The following KCNH8 variants were observed in gnomAD, a reference collection of about 807,000 sequenced individuals.
The protein encoded by KCNH8 is voltage-gated delayed rectifier potassium channel KCNH8.
A neutral mutation model predicts 103.6 loss-of-function variants in KCNH8; 70 were observed. The ratio of observed to expected loss-of-function variants is 0.68; its 90% CI spans 0.56 to 0.82. The LOEUF is 0.82. Among genes scored for constraint, KCNH8 ranks in the 40% least tolerant of loss-of-function variants. KCNH8 has a pLI of 0.00. For synonymous variants in KCNH8, 498 were observed against 489.4 expected (o/e 1.02, Z -0.23); for missense variants, 1,217 against 1,329.9 (o/e 0.92, Z 1.32).
At chr3:19,445,483 A>G (rs1434576834) in intron 8 of KCNH8, among the ~76,000 whole-genome samples, 1 of 151,952 alleles carries the variant, frequency 6.6e-6, no homozygotes, top group East Asian at 1.9e-4. Flanking sequence ...TTCTGTATGT[A>G]TCTTTGATTT....
chr3:19,322,943 A>G (rs998209862), intron 3 of KCNH8, among the ~76,000 whole-genome samples: 4 of 152,064 alleles, frequency 2.6e-5, no homozygotes, highest in Non-Finnish European at 4.4e-5. Context: ...CTTGTCTTCA[A>G]GCTCTGAAGT....
At chr3:19,258,941 CTCTCTCTATATATATA>C (rs1163341647) in intron 2 of KCNH8, among the ~76,000 whole-genome samples, 56 of 64,528 alleles carry the variant, frequency 8.7e-4, no homozygotes, top group African/African-American at 2.2e-3. Flanking sequence ...CTCTCTCTCT[CTCTCTCTATATATATA>C]TATATATATA....
chr3:19,177,930 C>G (rs150515158), intron 1 of KCNH8, among the ~76,000 whole-genome samples: 137 of 152,230 alleles, frequency 9.0e-4, no homozygotes, highest in African/African-American at 3.2e-3. Flanking sequence ...CTTCTAGCTA[C>G]TAAATTTGAA....
At chr3:19,496,017 C>A (rs768611110) in intron 11 of KCNH8, among the ~76,000 whole-genome samples, 38 of 152,002 alleles carry the variant, frequency 2.5e-4, no homozygotes, top group African/African-American at 9.2e-4. Context: ...TGTTCGTATA[C>A]AGGAAGGCTA....
chr3:19,371,141 G>T (rs1363462719), intron 5 of KCNH8, among the ~76,000 whole-genome samples: 1 of 150,526 alleles, frequency 6.6e-6, no homozygotes, highest in Non-Finnish European at 1.5e-5. Flanking sequence ...GGGATGGCTG[G>T]GTCAAATGGT....
At chr3:19,169,207 A>G (rs988619991) in intron 1 of KCNH8, among the ~76,000 whole-genome samples, 2 of 144,704 alleles carry the variant, frequency 1.4e-5, no homozygotes, top group Non-Finnish European at 3.0e-5. Context: ...TAGAAACTCC[A>G]CCCCAAATCT....
At chr3:19,170,657 TATACACACATATATATAC>T (rs2063334178) in intron 1 of KCNH8, among the ~76,000 whole-genome samples, 1 of 141,888 alleles carries the variant, frequency 7.0e-6, no homozygotes, top group African/African-American at 2.7e-5. Context: ...CACACACATA[TATACACACATATATATAC>T]ACACACACAT....
chr3:19,450,077 T>C (rs765255149), intron 8 of KCNH8, 29 bp from the exon 9 acceptor site: 1 of 1,589,332 alleles, frequency 6.3e-7, no homozygotes, highest in South Asian at 1.1e-5. Context: ...ACATTTCTCT[T>C]CCATTATATA....
chr3:19,423,311 T>G (rs2066978271), intron 7 of KCNH8, among the ~76,000 whole-genome samples: 1 of 152,090 alleles, frequency 6.6e-6, no homozygotes, highest in South Asian at 2.1e-4. Flanking sequence ...CAATAGTTTC[T>G]GGGGGAAAGT....
rs534925548 is a variant in KCNH8 at position 19,411,070 on chromosome 3, A to C, written c.1177+15759A>C. 2.6e-5 allele frequency among the ~76,000 whole-genome samples: 4 copies of C among 152,150 alleles called. 1 individual carries two copies. Among genetic ancestry groups the C allele is most frequent in the African/African-American group, 9.6e-5 (4 of 41,544 alleles). ...TGGTAACAATATAATGAAAAAAATC[A>C]AACTACAGGCCAATATCCCTGATGA... On this transcript the variant is annotated intron_variant, in intron 7 of 15. Coordinates refer to ENST00000328405, the MANE Select transcript of KCNH8 (RefSeq NM_144633.3).
At chr3:19,525,209 T>A (rs1409310389) in intron 15 of KCNH8, among the ~76,000 whole-genome samples, 2 of 151,794 alleles carry the variant, frequency 1.3e-5, no homozygotes, top group Middle Eastern at 3.2e-3. Context: ...TTTGTCAATT[T>A]AAAAAATCAA....
At chr3:19,284,891 AGAAAG>A (rs2064809698) in intron 3 of KCNH8, among the ~76,000 whole-genome samples, 1 of 149,150 alleles carries the variant, frequency 6.7e-6, no homozygotes, top group South Asian at 2.1e-4. Flanking sequence ...AGAAAAGGAA[AGAAAG>A]AAAAGAAAAG....
In KCNH8 at chr3:19,413,434, A is replaced by G. The variant is rs546711502; in HGVS notation, c.1177+18123A>G. 3.3e-5 allele frequency among the ~76,000 whole-genome samples: 5 copies of G among 152,144 alleles called. No individual in the cohort carries two copies. The South Asian group carries it at 1.0e-3, about 32-fold the overall frequency. On this transcript the variant is annotated intron_variant, in intron 7 of 15. Coordinates refer to ENST00000328405, the MANE Select transcript of KCNH8 (RefSeq NM_144633.3). The stretch of plus-strand genomic sequence containing the variant: ...GTTGAAAAACTAACTGTTGGGTACT[A>G]TGCTCACTACGTGGGTGATGGGATT...
At chr3:19,270,377 G>A (rs2064571001) in intron 2 of KCNH8, among the ~76,000 whole-genome samples, 1 of 152,126 alleles carries the variant, frequency 6.6e-6, no homozygotes, top group African/African-American at 2.4e-5. Context: ...TGACACATAT[G>A]GTCTCAAAAT....
intron 5 of KCNH8, among the ~76,000 whole-genome samples, chr3:19,366,464 A>G (rs1015669878): frequency 1.3e-5 from 2 of 152,138 alleles, no homozygotes; most frequent in Non-Finnish European, 2.9e-5. Context: ...GCATGTGCTC[A>G]TAAAATATGA....
chr3:19,424,422 A>T (rs2066995358), intron 7 of KCNH8, among the ~76,000 whole-genome samples: 1 of 152,152 alleles, frequency 6.6e-6, no homozygotes, highest in South Asian at 2.1e-4. Flanking sequence ...GGAAGAAGGA[A>T]ACTGGATCCT....
rs760000043 is a variant in KCNH8 at position 19,513,171 on chromosome 3, G to A, written c.2281G>A (p.Val761Met). 3.7e-6 allele frequency: 6 copies of A among 1,613,782 alleles called. No individual in the cohort carries two copies. The highest frequency in any genetic ancestry group is 1.6e-4 in the Middle Eastern group (1 of 6,084). Residue 761 changes from valine (V) to methionine (M), a missense_variant, in exon 13 of 16, where the codon GTG (valine) becomes ATG (methionine). Around this residue, in one of 3 missense-constraint regions of KCNH8, gnomAD observed 558 missense variants for 495.8 expected, o/e 1.13. Transcript: ENST00000328405. ...CTTAAAGCAACTGGCCTCGGGAACG[G>A]TGCCCTTTCACTCGCCTATCAGAGT... ...LSLKQLASGTVPFHSPIRVSR... is the reference protein window; with the variant it reads ...LSLKQLASGTMPFHSPIRVSR...
At chr3:19,429,551 T>C (rs948724600) in intron 7 of KCNH8, among the ~76,000 whole-genome samples, 2 of 152,176 alleles carry the variant, frequency 1.3e-5, no homozygotes, top group African/African-American at 4.8e-5. Flanking sequence ...CCTAGAAACA[T>C]GAAGAAAACT....
chr3:19,389,217 G>A (rs2066399714), intron 5 of KCNH8, among the ~76,000 whole-genome samples: 1 of 152,068 alleles, frequency 6.6e-6, no homozygotes, highest in South Asian at 2.1e-4. Context: ...AAAGTCCAGG[G>A]ATGGCTTAGT....
Sources: allele counts gnomAD v4.1 joint callset (sites outside exome capture counted in the v4.1 genomes callset), GRCh38; gene constraint gnomAD v4.1.1; regional missense constraint gnomAD v4.1.1; transcripts MANE v1.5; gene names NCBI Gene and HGNC (gene_info 2026-07-23, HGNC 2026-07-21).